SAMSN1: variants seen among roughly 807,000 people sequenced by gnomAD.
The protein encoded by SAMSN1 is SAM domain, SH3 domain and nuclear localization signals 1, also known as SAM domain-containing protein SAMSN-1.
In SAMSN1, 31 loss-of-function variants were observed where a neutral mutation model predicts 42.0. The observed-to-expected ratio is 0.74, with a 90% CI of 0.55 to 1.00. The LOEUF is 1.00. Ranked by LOEUF, SAMSN1 falls within the 50% of genes least tolerant of loss-of-function variation. The probability of loss-of-function intolerance (pLI) is 0.00; values close to 1 mark genes in which losing one functional copy is unlikely to be tolerated. For synonymous variants in SAMSN1, 178 were observed against 151.9 expected (o/e 1.17, Z -1.26); for missense variants, 464 against 439.4 (o/e 1.06, Z -0.50).
chr21:14,646,500 C>G (rs1002921655), intron 1 of SAMSN1, among the ~76,000 whole-genome samples: 1 of 152,070 alleles, frequency 6.6e-6, no homozygotes, highest in Admixed American at 6.6e-5. Context: ...CAGGTCAGTC[C>G]TATAAGAAAT....
At chr21:14,599,671 C>T (rs989639920) in intron 6 of SAMSN1, among the ~76,000 whole-genome samples, 5 of 152,026 alleles carry the variant, frequency 3.3e-5, no homozygotes, top group African/African-American at 1.2e-4. Flanking sequence ...GCTAGGGGTG[C>T]ACCTCTCCCT....
At chr21:14,654,897 T>G (rs1983893078) in intron 1 of SAMSN1, among the ~76,000 whole-genome samples, 1 of 150,486 alleles carries the variant, frequency 6.6e-6, no homozygotes, top group Admixed American at 6.6e-5. Flanking sequence ...AGAAAAAGAG[T>G]TGTCATTCTA....
rs1491266473 is a variant in SAMSN1, at chr21:14,577,285, T to TA, written c.261+4850_261+4851insT. ...ATATATATATATATATATATATATA[T>TA]TTTTTTTTTAGAAGAGACAGGGTTT... On this transcript the variant is annotated intron_variant, in intron 2 of 8. Coordinates refer to the SAMSN1 transcript ENST00000285670. 8.8e-3 allele frequency among the ~76,000 whole-genome samples: 325 copies of TA among 36,774 alleles called. 4 individuals carry two copies. Among genetic ancestry groups the TA allele is most frequent in the Non-Finnish European group, 0.012 (234 of 19,716 alleles). 24.1% of individuals were successfully genotyped at this position (36,774 alleles called of 152,430 possible).
At chr21:14,492,418 A>T (rs1311706682) in intron 7 of SAMSN1, among the ~76,000 whole-genome samples, 2 of 152,076 alleles carry the variant, frequency 1.3e-5, no homozygotes, top group East Asian at 3.8e-4. Context: ...GGATCTTTTG[A>T]CCTCCTCATT....
At chr21:14,585,777 T>A (rs1304582685), upstream of SAMSN1, among the ~76,000 whole-genome samples, 1 of 152,194 alleles carries the variant, frequency 6.6e-6, no homozygotes, top group Non-Finnish European at 1.5e-5. Flanking sequence ...ATTTTATACA[T>A]GTTTTATATA....
chr21:14,567,681 C>A (rs950585240), intron 2 of SAMSN1, among the ~76,000 whole-genome samples: 7 of 151,882 alleles, frequency 4.6e-5, no homozygotes, highest in Non-Finnish European at 8.8e-5. Context: ...TCCTGGTGTC[C>A]TTTTTTCTTT....
At chr21:14,637,254 TC>T (rs763896576) in intron 2 of SAMSN1, among the ~76,000 whole-genome samples, 1 of 152,196 alleles carries the variant, frequency 6.6e-6, no homozygotes, top group Non-Finnish European at 1.5e-5. Context: ...AGTTTCAGCA[TC>T]GAACTGAAAT....
chr21:14,530,620 CAAA>C (rs1979208153), intron 1 of SAMSN1, among the ~76,000 whole-genome samples: 1 of 152,136 alleles, frequency 6.6e-6, no homozygotes, highest in South Asian at 2.1e-4. Flanking sequence ...CTAAAACTGA[CAAA>C]AAGTTTTCAA....
intron 1 of SAMSN1, among the ~76,000 whole-genome samples, chr21:14,521,584 T>A (rs181602114): frequency 6.6e-6 from 1 of 152,140 alleles, no homozygotes; most frequent in Non-Finnish European, 1.5e-5. Context: ...CTTAACAGCA[T>A]GTAGTACTAA....
chr21:14,497,935 A>C lies in SAMSN1; in HGVS notation c.919+507T>G, dbSNP rs372178883. ...ACAGAGAACCATCTCAGATAATAAA[A>C]GTGAGTGCTGAATATTTTTGCAAGC... On this transcript the variant is annotated intron_variant, in intron 7 of 7. Coordinates refer to ENST00000400566, the MANE Select transcript of SAMSN1 (RefSeq NM_022136.5). 7.2e-5 allele frequency among the ~76,000 whole-genome samples: 11 copies of C among 152,356 alleles called. 1 individual carries two copies. The highest frequency in any genetic ancestry group is 2.6e-4 in the Admixed American group (4 of 15,308).
intron 2 of SAMSN1, among the ~76,000 whole-genome samples, chr21:14,581,527 T>A (rs1288297644): frequency 6.6e-6 from 1 of 150,800 alleles, no homozygotes; most frequent in African/African-American, 2.4e-5. Flanking sequence ...CCCGGCTAAT[T>A]TTTTTGTATT....
intron 2 of SAMSN1, among the ~76,000 whole-genome samples, chr21:14,580,652 T>C (rs1473694255): frequency 1.3e-5 from 2 of 152,270 alleles, no homozygotes; most frequent in Non-Finnish European, 2.9e-5. Flanking sequence ...ATCAGATACC[T>C]GTTATATTTA....
At chr21:14,520,012 C>T in intron 2 of SAMSN1, among the ~76,000 whole-genome samples, 1 of 152,120 alleles carries the variant, frequency 6.6e-6, no homozygotes, top group East Asian at 1.9e-4. Flanking sequence ...ATGAAGCAAG[C>T]ATATTTCTGC....
intron 2 of SAMSN1, among the ~76,000 whole-genome samples, chr21:14,556,179 A>G (rs1980756341): frequency 6.6e-6 from 1 of 152,154 alleles, no homozygotes; most frequent in South Asian, 2.1e-4. Flanking sequence ...AGCAGATTCA[A>G]GAGTGACCAG....
intron 1 of SAMSN1, among the ~76,000 whole-genome samples, chr21:14,655,611 C>G (rs964200250): frequency 6.6e-6 from 1 of 151,552 alleles, no homozygotes; most frequent in South Asian, 2.1e-4. Flanking sequence ...AGTTTACCCA[C>G]GTCAAAATCT....
At chr21:14,586,285 GA>G (rs1160321355), upstream of SAMSN1, among the ~76,000 whole-genome samples, 19 of 109,306 alleles carry the variant, frequency 1.7e-4, no homozygotes, top group African/African-American at 2.7e-4. Flanking sequence ...AAAAGAAAAA[GA>G]AAAAAAAAGA....
chr21:14,514,662 T>C (rs900588367), intron 3 of SAMSN1, among the ~76,000 whole-genome samples: 2 of 152,218 alleles, frequency 1.3e-5, no homozygotes, highest in Admixed American at 1.3e-4. Flanking sequence ...AGATTTTCTT[T>C]TCTTCCTATT....
At chr21:14,514,133 G>A (rs983305865) in intron 3 of SAMSN1, among the ~76,000 whole-genome samples, 1 of 152,144 alleles carries the variant, frequency 6.6e-6, no homozygotes. Context: ...GAAAACTTTA[G>A]TATAAGAATC....
At chr21:14,522,757 A>T (rs1978576835) in intron 1 of SAMSN1, among the ~76,000 whole-genome samples, 1 of 152,244 alleles carries the variant, frequency 6.6e-6, no homozygotes, top group Admixed American at 6.5e-5. Context: ...TTTAAGAAAA[A>T]TTAATTTAAA....
Sources: allele counts gnomAD v4.1 joint callset (sites outside exome capture counted in the v4.1 genomes callset), GRCh38; gene constraint gnomAD v4.1.1; transcripts MANE v1.5; gene names NCBI Gene and HGNC (gene_info 2026-07-23, HGNC 2026-07-21).